Variants in UTP20 observed in about 807,000 individuals in gnomAD.
The protein encoded by UTP20 is small subunit processome component 20 homolog.
A neutral mutation model predicts 329.5 loss-of-function variants in UTP20; 164 were observed. That is an observed-to-expected ratio of 0.50 (90% CI 0.44 to 0.57). UTP20 has a LOEUF of 0.57. UTP20 is among the 20% of genes least tolerant of loss of function. The pLI, the probability that UTP20 is intolerant of heterozygous loss-of-function variation, is 0.00. For synonymous variants in UTP20, 1,151 were observed against 1,159.3 expected (o/e 0.99, Z 0.14); for missense variants, 3,055 against 3,284.2 (o/e 0.93, Z 1.71).
intron 23 of UTP20, among the ~76,000 whole-genome samples, chr12:101,319,855 C>T (rs1432150844): frequency 6.6e-6 from 1 of 151,660 alleles, no homozygotes; most frequent in Non-Finnish European, 1.5e-5. Context: ...TTTTGGGTGA[C>T]TAAACATTGA....
intron 44 of UTP20, 80 bp from the exon 45 acceptor site, chr12:101,363,496 G>C (rs1869992878): frequency 5.4e-6 from 7 of 1,305,654 alleles, no homozygotes; most frequent in Non-Finnish European, 7.3e-6. Context: ...GGACATACCA[G>C]GGCCTTTTTT....
intron 2 of UTP20, among the ~76,000 whole-genome samples, chr12:101,284,588 T>TG (rs1205659284): frequency 2.0e-5 from 3 of 152,062 alleles, no homozygotes; most frequent in Non-Finnish European, 2.9e-5. Context: ...ATGATTGTTT[T>TG]GGGGGGGTAT....
chr12:101,374,511 T>G (rs895532410), intron 54 of UTP20, among the ~76,000 whole-genome samples: 2 of 152,160 alleles, frequency 1.3e-5, no homozygotes, highest in African/African-American at 2.4e-5. Flanking sequence ...CCACTTAATG[T>G]GGGGTGGGCA....
In UTP20 at chr12:101,354,814, G is replaced by A; in HGVS notation, c.5108-18G>A. ...CATTATTTGCTTTAAGGTGACTTTT[G>A]TTGTTTATTAAACATAGACGCAATT... On this transcript the variant is annotated intron_variant, in intron 40 of 61. Transcript: ENST00000261637. The A allele has an allele frequency of 1.9e-6, 3 of 1,602,730 alleles. No homozygotes were observed. The highest frequency in any genetic ancestry group is 2.6e-6 in the Non-Finnish European group (3 of 1,174,600).
intron 20 of UTP20, 91 bp downstream of exon 20, chr12:101,311,889 CAG>C (rs1274886729): frequency 6.4e-7 from 1 of 1,554,250 alleles, no homozygotes; most frequent in East Asian, 2.3e-5. Context: ...AATTGGAAAA[CAG>C]AGATGAAACA....
intron 36 of UTP20, among the ~76,000 whole-genome samples, chr12:101,345,269 G>A (rs1362012447): frequency 1.3e-5 from 2 of 151,746 alleles, no homozygotes; most frequent in African/African-American, 4.8e-5. Context: ...ATCTAATATA[G>A]CTGTCAGGTT....
intron 20 of UTP20, 119 bp downstream of exon 20, chr12:101,311,917 A>G: frequency 1.3e-6 from 2 of 1,555,650 alleles, no homozygotes; most frequent in Admixed American, 1.9e-5. Flanking sequence ...TATCATGATA[A>G]CTTTTGGGAG....
chr12:101,340,350 C>A (rs189898227), intron 31 of UTP20, among the ~76,000 whole-genome samples, 173 bp from the exon 32 acceptor site: 1 of 152,132 alleles, frequency 6.6e-6, no homozygotes, highest in Non-Finnish European at 1.5e-5. Context: ...TAAGAGTGAG[C>A]ACAGCTAAGT....
intron 26 of UTP20, 32 bp from the exon 27 acceptor site, chr12:101,329,209 T>G: frequency 6.3e-7 from 1 of 1,576,558 alleles, no homozygotes; most frequent in East Asian, 2.2e-5. Flanking sequence ...TATGTTACCT[T>G]ACATGACCTC....
intron 48 of UTP20, among the ~76,000 whole-genome samples, chr12:101,369,140 T>G (rs1173712267): frequency 6.6e-6 from 1 of 152,242 alleles, no homozygotes; most frequent in African/African-American, 2.4e-5. Context: ...GTATCCTTTT[T>G]ATCTTTGTAT....
chr12:101,365,072 TTGTGTG>T (rs60890980), intron 45 of UTP20, among the ~76,000 whole-genome samples: 67 of 142,006 alleles, frequency 4.7e-4, no homozygotes, highest in African/African-American at 1.0e-3. Context: ...ATTTTGTTGA[TTGTGTG>T]TGTGTGTGTG....
At position 101,369,767 on chromosome 12, in the gene UTP20, C is replaced by T. The variant is rs142621773; in HGVS notation, c.6431C>T (p.Pro2144Leu). The change falls in exon 49 of 62, where the codon CCG becomes CTG. Residue 2144 changes from proline (P) to leucine (L), a missense_variant. By Grantham distance (98) the Pro-to-Leu change is moderately conservative. Around this residue, in one of 3 missense-constraint regions of UTP20, gnomAD observed 2,445 missense variants for 2,575.5 expected, o/e 0.95. Coordinates refer to ENST00000261637, the MANE Select transcript of UTP20 (RefSeq NM_014503.3). ...TGCCTCATCTGGGTCTTGAGGTTCC[C>T]GCTACCTTCCATAGAAACAAAAGCA... is the stretch of plus-strand genomic sequence containing the variant. Reference protein sequence around the residue: ...LQCLIWVLRFPLPSIETKAEQ... With the variant: ...LQCLIWVLRFLLPSIETKAEQ... The T allele has an allele frequency of 6.0e-5, 96 of 1,607,088 alleles. No individual in the cohort carries two copies. Among genetic ancestry groups the T allele is most frequent in the African/African-American group, 8.0e-5 (6 of 74,722 alleles).
At chr12:101,310,962 T>C (rs1872771615) in intron 19 of UTP20, among the ~76,000 whole-genome samples, 1 of 152,202 alleles carries the variant, frequency 6.6e-6, no homozygotes, top group Non-Finnish European at 1.5e-5. Flanking sequence ...TTGACATACA[T>C]ATTACCAGTA....
In UTP20 at chr12:101,280,248, C is replaced by T; in HGVS notation, c.-35C>T. 1 of 1,551,638 alleles carries T rather than the reference C, an allele frequency of 6.4e-7. No individual in the cohort carries two copies. Among genetic ancestry groups the T allele is most frequent in the Non-Finnish European group, 8.7e-7 (1 of 1,146,942 alleles). On this transcript the variant is annotated 5_prime_UTR_variant, in exon 1 of 62. Transcript: ENST00000261637. ...TGTCGGTTGCATCCCTTCGACACTCCCGAGGCCGTCGCGGGCCACTGGCCC... is the reference window on the plus strand; with the variant it reads ...TGTCGGTTGCATCCCTTCGACACTCTCGAGGCCGTCGCGGGCCACTGGCCC...
At position 101,280,337 on chromosome 12, in the gene UTP20, G is replaced by A; in HGVS notation, c.45+10G>A. 1 of 1,551,736 alleles carries A rather than the reference G, an allele frequency of 6.4e-7. No individual in the cohort carries two copies. Among genetic ancestry groups the A allele is most frequent in the East Asian group, 2.4e-5 (1 of 40,926 alleles). On this transcript the variant is annotated intron_variant, in intron 1 of 61. Coordinates refer to ENST00000261637, the MANE Select transcript of UTP20 (RefSeq NM_014503.3). ...CGAGAACACCTACCGGGTGAGCGCG[G>A]GAGCTTAGGCAGGGAGCCGCGGGTC... is the stretch of plus-strand genomic sequence containing the variant.
chr12:101,364,177 C>T (rs746101729), intron 45 of UTP20, among the ~76,000 whole-genome samples: 20 of 152,038 alleles, frequency 1.3e-4, no homozygotes, highest in South Asian at 2.1e-4. Flanking sequence ...AAAGCCAAGG[C>T]GGGAGGAATT....
intron 44 of UTP20, among the ~76,000 whole-genome samples, chr12:101,362,486 T>G (rs1869960105): frequency 6.6e-6 from 1 of 152,074 alleles, no homozygotes; most frequent in African/African-American, 2.4e-5. Flanking sequence ...GGCAGATCAC[T>G]TGAGTCCAGG....
At chr12:101,288,846 CT>C in intron 5 of UTP20, 113 bp from the exon 6 acceptor site, 1 of 879,830 alleles carries the variant, frequency 1.1e-6, no homozygotes, top group Non-Finnish European at 1.7e-6. Flanking sequence ...TGTTTGATAC[CT>C]GCTGTGTATT....
intron 41 of UTP20, 95 bp downstream of exon 41, chr12:101,355,213 T>C: frequency 7.1e-7 from 1 of 1,405,638 alleles, no homozygotes; most frequent in South Asian, 1.4e-5. Flanking sequence ...TTGATTGATT[T>C]CAGCTTTTAG....
Sources: gnomAD v4.1 joint callset for allele counts (sites outside exome capture counted in the v4.1 genomes callset) on GRCh38, gnomAD v4.1.1 for gene constraint, gnomAD v4.1.1 regional missense constraint, MANE v1.5 for transcripts, NCBI Gene and HGNC (gene_info 2026-07-23, HGNC 2026-07-21) for gene names.